Variants in HSD17B12 observed in about 807,000 individuals in gnomAD.
HSD17B12 encodes very-long-chain 3-oxoacyl-CoA reductase.
HSD17B12 carries 32 observed loss-of-function variants against 39.3 expected under a neutral mutation model. That is an observed-to-expected ratio of 0.81 (90% CI 0.61 to 1.09). HSD17B12 has a LOEUF of 1.09. HSD17B12 is among the 50% of genes least tolerant of loss of function. The pLI, the probability that HSD17B12 is intolerant of heterozygous loss-of-function variation, is 0.00. For missense variants in HSD17B12, 342 were observed against 382.9 expected, an observed-to-expected ratio of 0.89 and a Z score of 0.89; for synonymous variants, 150 against 146.7, an observed-to-expected ratio of 1.02 and a Z score of -0.16.
chr11:43,726,440 C>T (rs953458976), intron 1 of HSD17B12, among the ~76,000 whole-genome samples: 6 of 152,176 alleles, frequency 3.9e-5, no homozygotes, highest in Non-Finnish European at 7.3e-5. Context: ...TGAGATGGCT[C>T]ATCTAAACAG....
intron 3 of HSD17B12, among the ~76,000 whole-genome samples, chr11:43,773,275 G>A (rs1325186144): frequency 6.6e-6 from 1 of 152,064 alleles, no homozygotes; most frequent in Non-Finnish European, 1.5e-5. Flanking sequence ...ATAAGGTCTT[G>A]CTTTGTCACC....
At chr11:43,821,104 A>C (rs1951178321) in intron 6 of HSD17B12, among the ~76,000 whole-genome samples, 1 of 152,194 alleles carries the variant, frequency 6.6e-6, no homozygotes, top group South Asian at 2.1e-4. Flanking sequence ...TAGACCCATG[A>C]TGTTTAATCA....
chr11:43,683,854 C>A (rs1027614280), intron 1 of HSD17B12, among the ~76,000 whole-genome samples: 1 of 152,138 alleles, frequency 6.6e-6, no homozygotes, highest in Non-Finnish European at 1.5e-5. Context: ...TGAGTATCTT[C>A]ATGTGAGTAT....
chr11:43,656,122 G>A, the HSD17B12 span, among the ~76,000 whole-genome samples: 1 of 152,092 alleles, frequency 6.6e-6, no homozygotes, highest in African/African-American at 2.4e-5. Flanking sequence ...CTTCTTCCTG[G>A]TTTAGTCTTG....
intron 1 of HSD17B12, among the ~76,000 whole-genome samples, chr11:43,719,305 C>T (rs148645856): frequency 1.3e-5 from 2 of 152,276 alleles, no homozygotes; most frequent in African/African-American, 4.8e-5. Flanking sequence ...GGAATACTCA[C>T]CCTGCCACTC....
chr11:43,796,793 GA>G (rs1950920043), intron 3 of HSD17B12, among the ~76,000 whole-genome samples: 1 of 151,640 alleles, frequency 6.6e-6, no homozygotes, highest in African/African-American at 2.4e-5. Flanking sequence ...TGTTATTCTT[GA>G]ATGAAGTTTT....
intron 4 of HSD17B12, among the ~76,000 whole-genome samples, chr11:43,799,137 A>C (rs1269771490): frequency 2.0e-5 from 3 of 152,156 alleles, no homozygotes; most frequent in Non-Finnish European, 4.4e-5. Flanking sequence ...CCCCCCGAGA[A>C]GACTTTAGAG....
the HSD17B12 span, among the ~76,000 whole-genome samples, chr11:43,673,918 C>A: frequency 6.6e-6 from 1 of 152,174 alleles, no homozygotes; most frequent in Non-Finnish European, 1.5e-5. Flanking sequence ...TAGCTTTAAG[C>A]TTCTGTTTCC....
chr11:43,680,879 A>G lies in HSD17B12; in HGVS notation c.52A>G (p.Thr18Ala). 1.2e-6 allele frequency: 2 copies of G among 1,613,922 alleles called. No homozygotes were observed. The highest frequency in any genetic ancestry group is 8.5e-7 in the Non-Finnish European group (1 of 1,179,984). ...CTTCCTGTACTGGGTCGGCGCGGGC[A>G]CCGTGGCCTACCTAGCCCTGCGTAT... ...AGFLYWVGAG[T>A]VAYLALRISY... The change falls in exon 1 of 11, where the codon ACC becomes GCC. Residue 18 changes from threonine (T) to alanine (A), a missense_variant. By Grantham distance (58) the Thr-to-Ala change is moderately conservative (BLOSUM62 0). Transcript: ENST00000278353.
chr11:43,842,765 G>A (rs933782455), intron 9 of HSD17B12, among the ~76,000 whole-genome samples: 3 of 152,272 alleles, frequency 2.0e-5, no homozygotes, highest in East Asian at 1.9e-4. Context: ...CACCTATTGC[G>A]ACTAGGCAGG....
the HSD17B12 span, among the ~76,000 whole-genome samples, chr11:43,582,936 A>T: frequency 1.3e-5 from 2 of 152,204 alleles, no homozygotes; most frequent in Non-Finnish European, 2.9e-5. Context: ...AGCAAAAAGC[A>T]AAAGCTCCGG....
chr11:43,766,113 C>T (rs899001354), intron 3 of HSD17B12, among the ~76,000 whole-genome samples: 10 of 152,254 alleles, frequency 6.6e-5, no homozygotes, highest in African/African-American at 2.4e-4. Context: ...GCGTGAGCCA[C>T]CGTGCCCGGC....
intron 1 of HSD17B12, among the ~76,000 whole-genome samples, chr11:43,698,676 C>G (rs1436710069): frequency 1.3e-5 from 2 of 152,206 alleles, no homozygotes; most frequent in African/African-American, 4.8e-5. Context: ...AAAATCCCCA[C>G]TTTGTCTAAG....
the HSD17B12 span, among the ~76,000 whole-genome samples, chr11:43,664,801 A>G: frequency 6.6e-6 from 1 of 152,258 alleles, no homozygotes; most frequent in Admixed American, 6.5e-5. Flanking sequence ...TGCAATTAAT[A>G]GGATTTCTAG....
intron 9 of HSD17B12, among the ~76,000 whole-genome samples, chr11:43,850,841 C>T (rs1951523811): frequency 6.6e-6 from 1 of 152,182 alleles, no homozygotes; most frequent in Non-Finnish European, 1.5e-5. Context: ...GCAGGCGGAT[C>T]ACCTGAGGTC....
chr11:43,758,734 T>C (rs976084516), intron 3 of HSD17B12, among the ~76,000 whole-genome samples: 2 of 152,220 alleles, frequency 1.3e-5, no homozygotes, highest in Non-Finnish European at 2.9e-5. Context: ...ACAGTCTTTG[T>C]ACTCATCATT....
chr11:43,676,310 G>A (rs569165207), upstream of HSD17B12, among the ~76,000 whole-genome samples: 10 of 151,906 alleles, frequency 6.6e-5, no homozygotes, highest in Admixed American at 5.3e-4. Context: ...GTAGAGATGC[G>A]AATAGGCAGG....
chr11:43,591,553 T>C, the HSD17B12 span, among the ~76,000 whole-genome samples: 1 of 152,188 alleles, frequency 6.6e-6, no homozygotes. Context: ...GCTTTTGAGT[T>C]TATTTTTTAG....
intron 6 of HSD17B12, among the ~76,000 whole-genome samples, chr11:43,818,207 T>C (rs2135085649): frequency 6.6e-6 from 1 of 152,274 alleles, no homozygotes; most frequent in African/African-American, 2.4e-5. Context: ...TCTTTTCAGT[T>C]GAGGAACTTA....
Sources: allele counts gnomAD v4.1 joint callset (sites outside exome capture counted in the v4.1 genomes callset), GRCh38; gene constraint gnomAD v4.1.1; transcripts MANE v1.5; gene names NCBI Gene and HGNC (gene_info 2026-07-23, HGNC 2026-07-21).